The following BCKDHB variants were observed in gnomAD, a reference collection of about 807,000 sequenced individuals.
BCKDHB encodes 2-oxoisovalerate dehydrogenase subunit beta, mitochondrial.
Under a neutral mutation model 48.5 loss-of-function variants are expected in BCKDHB, and 41 were observed. That is an observed-to-expected ratio of 0.85 (90% CI 0.66 to 1.10). The LOEUF (loss-of-function observed/expected upper bound fraction) is 1.10. BCKDHB is among the 50% of genes least tolerant of loss of function. The pLI is 0.00. For synonymous variants in BCKDHB, 201 were observed against 174.8 expected (o/e 1.15, Z -1.18); for missense variants, 496 against 494.2 (o/e 1.00, Z -0.03).
At chr6:80,144,959 C>T (rs1474751380) in intron 3 of BCKDHB, among the ~76,000 whole-genome samples, 1 of 152,136 alleles carries the variant, frequency 6.6e-6, no homozygotes, top group Non-Finnish European at 1.5e-5. Flanking sequence ...CCTAGAATAT[C>T]TCCATGTTCC....
At chr6:80,378,882 A>G in the BCKDHB span, among the ~76,000 whole-genome samples, 1 of 152,068 alleles carries the variant, frequency 6.6e-6, no homozygotes, top group East Asian at 1.9e-4. Context: ...TCTGATGGTT[A>G]GTGATGTTCA....
At chr6:80,284,186 A>T (rs1044084262) in intron 9 of BCKDHB, among the ~76,000 whole-genome samples, 2 of 152,242 alleles carry the variant, frequency 1.3e-5, no homozygotes, top group South Asian at 4.1e-4. Context: ...GAATGAGTTC[A>T]CAGCTCACTA....
chr6:80,164,585 C>T (rs1270126450), intron 3 of BCKDHB, among the ~76,000 whole-genome samples: 1 of 151,940 alleles, frequency 6.6e-6, no homozygotes, highest in African/African-American at 2.4e-5. Flanking sequence ...GGAATGTTTT[C>T]GTTTTGTTTG....
In BCKDHB at chr6:80,317,996, T is replaced by C. The variant is rs185767026; in HGVS notation, c.1039-25668T>C. Among the ~76,000 whole-genome samples the C allele has an allele frequency of 2.3e-3, 346 of 152,304 alleles. 1 individual carries two copies. Among genetic ancestry groups the C allele is most frequent in the African/African-American group, 7.7e-3 (319 of 41,572 alleles). ...CCTCCTGTGGTCCTCAGTCTGCCAG[T>C]GTTCTTCCTATAACTTTATCTCTGT... On this transcript the variant is annotated intron_variant, in intron 9 of 9. Transcript: ENST00000320393.
At chr6:80,173,007 T>G (rs144536699) in intron 6 of BCKDHB, among the ~76,000 whole-genome samples, 4 of 152,292 alleles carry the variant, frequency 2.6e-5, no homozygotes, top group African/African-American at 9.6e-5. Context: ...TTGGATATCC[T>G]GTGGCTATTA....
chr6:80,428,571 G>C, the BCKDHB span, among the ~76,000 whole-genome samples: 38 of 152,230 alleles, frequency 2.5e-4, no homozygotes, highest in Non-Finnish European at 5.1e-4. Context: ...ATTCTAAGTG[G>C]TGTGAAATGG....
intron 8 of BCKDHB, 97 bp downstream of exon 8, chr6:80,203,309 T>C: frequency 1.1e-6 from 1 of 915,468 alleles, no homozygotes; most frequent in Non-Finnish European, 1.8e-6. Flanking sequence ...GTGAGCTATG[T>C]GAGCATTTTC....
At chr6:80,120,077 G>T (rs143200695) in intron 1 of BCKDHB, among the ~76,000 whole-genome samples, 1,753 of 152,060 alleles carry the variant, frequency 0.012, 34 homozygotes, top group African/African-American at 0.04. Flanking sequence ...TGATCTCATT[G>T]TTCATTTCCC....
At chr6:80,210,565 T>C (rs902532881) in intron 8 of BCKDHB, among the ~76,000 whole-genome samples, 6 of 152,264 alleles carry the variant, frequency 3.9e-5, no homozygotes, top group East Asian at 3.9e-4. Context: ...TTTGTATATA[T>C]GTTAAACTTG....
At chr6:80,267,458 C>T (rs372165931) in intron 8 of BCKDHB, among the ~76,000 whole-genome samples, 24 of 152,038 alleles carry the variant, frequency 1.6e-4, no homozygotes, top group African/African-American at 5.1e-4. Flanking sequence ...CAGCTGGTTG[C>T]GGGGACCAGG....
intron 3 of BCKDHB, among the ~76,000 whole-genome samples, chr6:80,163,254 T>C (rs1772410221): frequency 1.3e-5 from 2 of 152,030 alleles, no homozygotes; most frequent in African/African-American, 2.4e-5. Context: ...CACTACTCAT[T>C]GTCTTCAATT....
chr6:80,178,741 T>C (rs1773279985), intron 6 of BCKDHB, among the ~76,000 whole-genome samples: 1 of 152,196 alleles, frequency 6.6e-6, no homozygotes, highest in Admixed American at 6.5e-5. Context: ...TTAGACAACT[T>C]GCCCAAAGTC....
At chr6:80,328,987 A>G (rs778858195) in intron 9 of BCKDHB, among the ~76,000 whole-genome samples, 1 of 152,150 alleles carries the variant, frequency 6.6e-6, no homozygotes, top group Non-Finnish European at 1.5e-5. Context: ...ACAATACATA[A>G]TCATTTAAAA....
chr6:80,441,670 C>T, the BCKDHB span, among the ~76,000 whole-genome samples: 1 of 152,078 alleles, frequency 6.6e-6, no homozygotes, highest in Non-Finnish European at 1.5e-5. Context: ...TATCTGTGGT[C>T]TCATGTCTTT....
intron 8 of BCKDHB, among the ~76,000 whole-genome samples, chr6:80,211,213 CTT>C (rs1774918486): frequency 6.6e-6 from 1 of 152,154 alleles, no homozygotes; most frequent in African/African-American, 2.4e-5. Flanking sequence ...AAAACTGACA[CTT>C]ATAATTCTGA....
At chr6:80,181,519 G>A (rs1318015653) in intron 6 of BCKDHB, among the ~76,000 whole-genome samples, 1 of 152,166 alleles carries the variant, frequency 6.6e-6, no homozygotes, top group Non-Finnish European at 1.5e-5. Flanking sequence ...TTCTGGTCTT[G>A]TCTAGGCTTC....
rs566194132 is a variant in BCKDHB, at chr6:80,164,464, T to G, written c.344-3214T>G. Among the ~76,000 whole-genome samples, 3 of 152,282 alleles carry G rather than the reference T, an allele frequency of 2.0e-5. No homozygotes were observed. The South Asian group carries it at 6.2e-4, about 32-fold the overall frequency. ...AATGTCCTTAAAAATCATAGTAGTT[T>G]CCCTCCCTCCATCACCTACTCCCCT... is the stretch of plus-strand genomic sequence containing the variant. On this transcript the variant is annotated intron_variant, in intron 3 of 9. Transcript: ENST00000320393.
chr6:80,337,425 A>G (rs1045935070), intron 9 of BCKDHB, among the ~76,000 whole-genome samples: 4 of 152,162 alleles, frequency 2.6e-5, no homozygotes, highest in South Asian at 4.1e-4. Flanking sequence ...TAGAAGCAGA[A>G]TATCTGCTGT....
chr6:80,367,726 C>T, the BCKDHB span, among the ~76,000 whole-genome samples: 1 of 152,202 alleles, frequency 6.6e-6, no homozygotes, highest in South Asian at 2.1e-4. Flanking sequence ...TAAGGTGAAA[C>T]ATGTACCTGG....
Sources: gnomAD v4.1 joint callset for allele counts (sites outside exome capture counted in the v4.1 genomes callset) on GRCh38, gnomAD v4.1.1 for gene constraint, MANE v1.5 for transcripts, NCBI Gene and HGNC (gene_info 2026-07-23, HGNC 2026-07-21) for gene names.